The following LARS2 variants were observed in gnomAD, a reference collection of about 807,000 sequenced individuals.
LARS2 encodes the protein leucine--tRNA ligase, mitochondrial.
In LARS2, 81 loss-of-function variants were observed where a neutral mutation model predicts 116.6. The ratio of observed to expected loss-of-function variants is 0.69; its 90% CI spans 0.58 to 0.84. The LOEUF is 0.84. Among genes scored for constraint, LARS2 ranks in the 40% least tolerant of loss-of-function variants. The pLI is 0.00. For missense variants in LARS2, 968 were observed against 1,114.5 expected (o/e 0.87, Z 1.87); for synonymous variants, 396 against 407.2 (o/e 0.97, Z 0.33).
At chr3:45,540,045 A>G (rs541957502) in intron 20 of LARS2, among the ~76,000 whole-genome samples, 6 of 152,060 alleles carry the variant, frequency 3.9e-5, no homozygotes, top group Admixed American at 2.0e-4. Flanking sequence ...ATCACCTGAG[A>G]TCAGGAGTTC....
At chr3:45,492,520 GC>G (rs1420023814) in intron 13 of LARS2, among the ~76,000 whole-genome samples, 1 of 152,188 alleles carries the variant, frequency 6.6e-6, no homozygotes, top group Non-Finnish European at 1.5e-5. Flanking sequence ...CCAGTATAGA[GC>G]TGAGTTACTA....
At position 45,539,545 on chromosome 3, in the gene LARS2, C is replaced by T. The variant is rs186672542; in HGVS notation, c.2405-2284C>T. Among the ~76,000 whole-genome samples, 397 of 152,200 alleles carry T rather than the reference C, an allele frequency of 2.6e-3. 1 individual carries two copies. The highest frequency in any genetic ancestry group is 9.1e-3 in the African/African-American group (377 of 41,510). On this transcript the variant is annotated intron_variant, in intron 20 of 21. Coordinates refer to ENST00000645846, the MANE Select transcript of LARS2 (RefSeq NM_015340.4). Reference sequence around the variant, plus strand: ...ACTCAGGAGGCTGAGGCACAAGAATCGCTTGAACCTGGGAGGCAGAGGTTG... The same window carrying T: ...ACTCAGGAGGCTGAGGCACAAGAATTGCTTGAACCTGGGAGGCAGAGGTTG...
At chr3:45,417,073 C>CAAA (rs1172623065) in intron 4 of LARS2, among the ~76,000 whole-genome samples, 1 of 67,680 alleles carries the variant, frequency 1.5e-5, no homozygotes, top group Non-Finnish European at 3.5e-5. Flanking sequence ...GACTCTGTCT[C>CAAA]AAAAAAAAAA....
intron 4 of LARS2, among the ~76,000 whole-genome samples, 164 bp from the exon 5 acceptor site, chr3:45,417,318 G>A (rs749772807): frequency 7.2e-5 from 11 of 152,134 alleles, no homozygotes; most frequent in Non-Finnish European, 1.2e-4. Context: ...GTGTTCTATG[G>A]TTACGTCATA....
At chr3:45,473,691 G>GTTT (rs763467707) in intron 8 of LARS2, among the ~76,000 whole-genome samples, 1 of 127,320 alleles carries the variant, frequency 7.9e-6, no homozygotes, top group Non-Finnish European at 1.7e-5. Flanking sequence ...GCCTGTTGTT[G>GTTT]TTTTTTTTTT....
intron 8 of LARS2, among the ~76,000 whole-genome samples, chr3:45,463,912 G>C (rs548287668): frequency 6.6e-6 from 1 of 152,216 alleles, no homozygotes; most frequent in Admixed American, 6.5e-5. Context: ...GGTGAAAGAT[G>C]GGAAGCACAG....
At chr3:45,510,149 A>G (rs1700265699) in intron 15 of LARS2, among the ~76,000 whole-genome samples, 1 of 152,124 alleles carries the variant, frequency 6.6e-6, no homozygotes, top group African/African-American at 2.4e-5. Context: ...GCAGTGGCTC[A>G]TGCCTGTAAT....
chr3:45,445,022 T>C (rs1030884082), intron 6 of LARS2, among the ~76,000 whole-genome samples: 1 of 152,306 alleles, frequency 6.6e-6, no homozygotes, highest in Admixed American at 6.5e-5. Context: ...ATATCCACAA[T>C]GACCAAGTCT....
chr3:45,513,205 T>A lies in LARS2; in HGVS notation c.1831T>A (p.Tyr611Asn). 1 of 1,613,066 alleles carries A rather than the reference T, an allele frequency of 6.2e-7. No individual in the cohort carries two copies. The highest frequency in any genetic ancestry group is 8.5e-7 in the Non-Finnish European group (1 of 1,179,004). ...GQTFRLPSGQ[Y>N]LQREEVDLTG... is the part of the protein sequence containing the mutation. ...GACATTCCGCCTACCATCTGGACAG[T>A]ATCTACAGAGAGAGGAAGTGGATCT... Residue 611 changes from tyrosine to asparagine, a missense_variant, in exon 16 of 22, where the codon TAT becomes AAT. Physicochemically the swap from Tyr to Asn is moderately radical, Grantham distance 143. Coordinates refer to ENST00000645846, the MANE Select transcript of LARS2 (RefSeq NM_015340.4).
chr3:45,483,972 T>G (rs1699748934), intron 10 of LARS2: 1 of 150,868 alleles, frequency 6.6e-6, no homozygotes, highest in Admixed American at 6.6e-5. Flanking sequence ...GCCAAAATGA[T>G]AGGATTGTGT....
chr3:45,388,879 T>C (rs142764310), intron 1 of LARS2, 199 bp downstream of exon 1: 26 of 152,340 alleles, frequency 1.7e-4, no homozygotes, highest in African/African-American at 5.8e-4. Context: ...ACCCCATTGA[T>C]AGCTCTGGAC....
At chr3:45,451,657 G>GT (rs1559473649) in intron 7 of LARS2, among the ~76,000 whole-genome samples, 2 of 151,956 alleles carry the variant, frequency 1.3e-5, no homozygotes, top group Non-Finnish European at 2.9e-5. Flanking sequence ...GCTTTGTTCT[G>GT]TTTTTGCTCA....
chr3:45,436,354 AAAAAAC>A (rs1251833917), intron 6 of LARS2, among the ~76,000 whole-genome samples: 3 of 152,068 alleles, frequency 2.0e-5, no homozygotes, highest in African/African-American at 7.2e-5. Context: ...TTCAAAAAAA[AAAAAAC>A]AAAAACAGGG....
At chr3:45,468,392 C>T (rs1345240017) in intron 8 of LARS2, among the ~76,000 whole-genome samples, 1 of 152,156 alleles carries the variant, frequency 6.6e-6, no homozygotes, top group Non-Finnish European at 1.5e-5. Flanking sequence ...ACTTTTCAGG[C>T]AAGGATAGTC....
intron 19 of LARS2, among the ~76,000 whole-genome samples, chr3:45,522,389 A>G (rs1358187687): frequency 2.6e-5 from 4 of 152,338 alleles, no homozygotes; most frequent in African/African-American, 9.6e-5. Context: ...CATGTCTTGA[A>G]GAATACTTAA....
intron 6 of LARS2, among the ~76,000 whole-genome samples, chr3:45,439,624 G>GTTTTTTTT (rs11325399): frequency 1.4e-5 from 2 of 145,308 alleles, no homozygotes; most frequent in Non-Finnish European, 1.5e-5. Context: ...ATTTCTAACT[G>GTTTTTTTT]TTTTTTTTTT....
At chr3:45,491,398 C>G in intron 12 of LARS2, 119 bp from the exon 13 acceptor site, 1 of 1,062,610 alleles carries the variant, frequency 9.4e-7, no homozygotes, top group South Asian at 1.5e-5. Flanking sequence ...TGACACAGCT[C>G]TGCACAGAAC....
At chr3:45,419,853 A>T in intron 6 of LARS2, 124 bp downstream of exon 6, 1 of 750,184 alleles carries the variant, frequency 1.3e-6, no homozygotes, top group East Asian at 2.5e-5. Flanking sequence ...GGAGGGAAGG[A>T]TTAGCACTCT....
rs1698488295 is a variant in LARS2, at chr3:45,419,862, C to T, written c.516+133C>T. 1.3e-5 allele frequency: 9 copies of T among 697,380 alleles called. No homozygotes were observed. In the Admixed American group the frequency reaches 1.7e-4, roughly 13 times the overall value. The allele number at this position is 697,380 out of a possible 1,614,324, so 43.2% of individuals were successfully genotyped here. On this transcript the variant is annotated intron_variant, in intron 6 of 21. Coordinates refer to ENST00000645846, the MANE Select transcript of LARS2 (RefSeq NM_015340.4). ...GAAGCAGGAGGGAAGGATTAGCACT[C>T]TTCAAAAAGTATCCTGAGTGGATAA...
Sources: allele counts gnomAD v4.1 joint callset (sites outside exome capture counted in the v4.1 genomes callset), GRCh38; gene constraint gnomAD v4.1.1; transcripts MANE v1.5; gene names NCBI Gene and HGNC (gene_info 2026-07-23, HGNC 2026-07-21).